The following ITPKB variants were observed in gnomAD, a reference collection of about 807,000 sequenced individuals.
The protein encoded by ITPKB is inositol-trisphosphate 3-kinase B.
ITPKB carries 13 observed loss-of-function variants against 69.4 expected under a neutral mutation model. That is an observed-to-expected ratio of 0.19 (90% CI 0.12 to 0.30). ITPKB has a LOEUF of 0.30. Among genes scored for constraint, ITPKB ranks in the 10% least tolerant of loss-of-function variants. ITPKB has a pLI of 1.00. For synonymous variants in ITPKB, 584 were observed against 513.7 expected (o/e 1.14, Z -1.85); for missense variants, 1,240 against 1,250.5 (o/e 0.99, Z 0.13).
chr1:226,637,614 GAGA>G lies in ITPKB; in HGVS notation c.2625+62_2625+64del. ...GCCCGATGCCCCGGGCTTCTGGAAG[GAGA>G]AGGAGAAGGCCTGTTGGCACGCGCA... is the stretch of plus-strand genomic sequence containing the variant. On this transcript the variant is annotated intron_variant, in intron 7 of 7. Coordinates refer to ENST00000429204, the MANE Select transcript of ITPKB (RefSeq NM_002221.4). This position sits in a 1 kb window ranked among gnomAD's most constrained non-coding sequence, Gnocchi z 4.3. 4 of 1,302,086 alleles carry G rather than the reference GAGA, an allele frequency of 3.1e-6. No homozygotes were observed. The highest frequency in any genetic ancestry group is 1.8e-4 in the Middle Eastern group (1 of 5,484). 80.7% of individuals were successfully genotyped at this position (1,302,086 alleles called of 1,614,324 possible). A position where few individuals can be genotyped will look rare whatever the true frequency, so the allele number is the denominator to read the frequency against.
At chr1:226,703,464 T>C (rs1347530652) in intron 2 of ITPKB, among the ~76,000 whole-genome samples, 1 of 152,176 alleles carries the variant, frequency 6.6e-6, no homozygotes, top group Non-Finnish European at 1.5e-5. Context: ...ACAGGGGGCT[T>C]TTCTTCGCCG....
chr1:226,643,337 T>A (rs867406247), intron 4 of ITPKB, among the ~76,000 whole-genome samples: 24 of 152,178 alleles, frequency 1.6e-4, no homozygotes, highest in Admixed American at 3.9e-4. Context: ...CTGCTCTCCT[T>A]TTAGAGCCCC....
intron 2 of ITPKB, among the ~76,000 whole-genome samples, chr1:226,710,608 T>G (rs1263669155): frequency 6.6e-6 from 1 of 152,238 alleles, no homozygotes; most frequent in Non-Finnish European, 1.5e-5. Context: ...AGAGGTCCCC[T>G]CTTCCCACAC....
chr1:226,698,872 A>G (rs1007462658), intron 2 of ITPKB, among the ~76,000 whole-genome samples: 3 of 152,200 alleles, frequency 2.0e-5, no homozygotes, highest in Non-Finnish European at 4.4e-5. Flanking sequence ...TACCCTCTCC[A>G]ACCTGTTGCA....
At position 226,666,190 on chromosome 1, in the gene ITPKB, G is replaced by A. The variant is rs4653763; in HGVS notation, c.1933-17419C>T. On this transcript the variant is annotated intron_variant, in intron 2 of 7. Coordinates refer to ENST00000429204, the MANE Select transcript of ITPKB (RefSeq NM_002221.4). ...CTCCTTAAGGCCACATGTGGAGAGC[G>A]AGCAGCTGTGATACCAGAAGGGAGC... is the stretch of plus-strand genomic sequence containing the variant. 5.4e-3 allele frequency among the ~76,000 whole-genome samples: 817 copies of A among 152,308 alleles called. 34 individuals are homozygous for A. The highest frequency in any genetic ancestry group is 0.049 in the Admixed American group (754 of 15,302).
intron 4 of ITPKB, among the ~76,000 whole-genome samples, 195 bp downstream of exon 4, chr1:226,646,972 G>A (rs1260342605): frequency 6.6e-6 from 1 of 152,232 alleles, no homozygotes; most frequent in Non-Finnish European, 1.5e-5. Flanking sequence ...GCCATCATGG[G>A]CAAAGCCCAG....
intron 2 of ITPKB, among the ~76,000 whole-genome samples, chr1:226,715,744 A>T (rs1657079464): frequency 1.3e-5 from 2 of 152,222 alleles, no homozygotes; most frequent in Admixed American, 6.5e-5. Flanking sequence ...TATTAAACCA[A>T]GTCATTTGAA....
At position 226,736,436 on chromosome 1, in the gene ITPKB, G is replaced by A. The variant is rs766612380; in HGVS notation, c.1023C>T (p.Ala341=). ...RELEDLQPPE[A]LVERQGQFLG... ...GAAACTGCCCCTGCCTCTCCACCAGGGCCTCTGGGGGCTGCAGGTCCTCAA... is the reference window on the plus strand; with the variant it reads ...GAAACTGCCCCTGCCTCTCCACCAGAGCCTCTGGGGGCTGCAGGTCCTCAA... The change falls in exon 2 of 8, where the codon GCC becomes GCT. Residue 341 remains alanine (A), a synonymous_variant. Coordinates refer to ENST00000429204, the MANE Select transcript of ITPKB (RefSeq NM_002221.4). 3.1e-6 allele frequency: 5 copies of A among 1,613,168 alleles called. No homozygotes were observed. The African/African-American group carries it at 4.0e-5, about 13-fold the overall frequency.
intron 2 of ITPKB, among the ~76,000 whole-genome samples, chr1:226,650,618 G>A (rs368923994): frequency 6.6e-5 from 10 of 152,252 alleles, no homozygotes; most frequent in Admixed American, 2.0e-4. Flanking sequence ...AAGCCATTAC[G>A]GTGGGTCCAG....
chr1:226,662,053 C>T (rs1180834766), intron 2 of ITPKB, among the ~76,000 whole-genome samples: 1 of 152,160 alleles, frequency 6.6e-6, no homozygotes, highest in Non-Finnish European at 1.5e-5. Flanking sequence ...AGAGGGAGTG[C>T]ACGGACGATG....
intron 2 of ITPKB, chr1:226,674,882 T>A (rs569528481): frequency 6.6e-6 from 1 of 152,256 alleles, no homozygotes; most frequent in African/African-American, 2.4e-5. Context: ...GCTTCCTGTT[T>A]ACCCACAAGC....
intron 2 of ITPKB, among the ~76,000 whole-genome samples, chr1:226,716,361 TTTTC>T (rs1407218002): frequency 5.9e-5 from 9 of 152,226 alleles, no homozygotes; most frequent in Non-Finnish European, 8.8e-5. Flanking sequence ...TCTAAAATCT[TTTTC>T]TTTATTTTTT....
intron 2 of ITPKB, among the ~76,000 whole-genome samples, chr1:226,674,210 A>AT (rs911064500): frequency 8.6e-5 from 13 of 151,274 alleles, no homozygotes; most frequent in Admixed American, 2.6e-4. Context: ...ATATATACAC[A>AT]TTTTTTTTTG....
chr1:226,636,554 T>C (rs892407605), intron 7 of ITPKB, among the ~76,000 whole-genome samples: 1 of 152,214 alleles, frequency 6.6e-6, no homozygotes, highest in African/African-American at 2.4e-5. Context: ...TTCCTCCTGC[T>C]GGCTCCGCAG....
At position 226,637,158 on chromosome 1, in the gene ITPKB, G is replaced by T. The variant is rs1302328758; in HGVS notation, c.2625+521C>A. On this transcript the variant is annotated intron_variant, in intron 7 of 7. Coordinates refer to ENST00000429204, the MANE Select transcript of ITPKB (RefSeq NM_002221.4). This position sits in a 1 kb window ranked among gnomAD's most constrained non-coding sequence, Gnocchi z 4.3. ...GGTCTCACACCCCTCCAGGGAACCT[G>T]CCGACACCTCCCAGAGCCTCTCTCA... Among the ~76,000 whole-genome samples the T allele has an allele frequency of 6.6e-6, 1 of 152,150 alleles. No individual in the cohort carries two copies. Among genetic ancestry groups the T allele is most frequent in the East Asian group, 1.9e-4 (1 of 5,192 alleles).
chr1:226,666,416 C>T (rs1320242525), intron 2 of ITPKB, among the ~76,000 whole-genome samples: 1 of 152,192 alleles, frequency 6.6e-6, no homozygotes, highest in Non-Finnish European at 1.5e-5. Flanking sequence ...ATGTGACGGA[C>T]ATGGCTCCCT....
rs1668976825 is a variant in ITPKB at position 226,642,204 on chromosome 1, G to A, written c.2247-79C>T. 3 of 1,222,210 alleles carry A rather than the reference G, an allele frequency of 2.5e-6. No individual in the cohort carries two copies. Among genetic ancestry groups the A allele is most frequent in the Admixed American group, 1.9e-5 (1 of 53,568 alleles). 75.7% of individuals were successfully genotyped at this position (1,222,210 alleles called of 1,614,324 possible). On this transcript the variant is annotated intron_variant, in intron 4 of 7. Transcript: ENST00000429204. This position sits in a 1 kb window ranked among gnomAD's most constrained non-coding sequence, Gnocchi z 6.4. ...GCAGCTCCTTTCCTGCCTGGTGGAT[G>A]AAGGTTTGGGGCGTGTGTTGCCCAA... is the stretch of plus-strand genomic sequence containing the variant.
chr1:226,668,046 T>C (rs940100616), intron 2 of ITPKB, among the ~76,000 whole-genome samples: 6 of 151,972 alleles, frequency 3.9e-5, no homozygotes, highest in Non-Finnish European at 8.8e-5. Flanking sequence ...AGAGGGAAAA[T>C]TGTCTGTAAG....
chr1:226,686,846 T>C (rs1308445870), intron 2 of ITPKB, among the ~76,000 whole-genome samples: 1 of 152,244 alleles, frequency 6.6e-6, no homozygotes, highest in Non-Finnish European at 1.5e-5. Flanking sequence ...GGGCCACATA[T>C]GGCTGACTTA....
Sources: allele counts gnomAD v4.1 joint callset (sites outside exome capture counted in the v4.1 genomes callset), GRCh38; gene constraint gnomAD v4.1.1; non-coding constraint Gnocchi (gnomAD v3.1); transcripts MANE v1.5; gene names NCBI Gene and HGNC (gene_info 2026-07-23, HGNC 2026-07-21).